Variants in DIO2 observed in about 807,000 individuals in gnomAD.
The protein encoded by DIO2 is type II iodothyronine deiodinase.
DIO2 carries 19 observed loss-of-function variants against 21.4 expected under a neutral mutation model. That is an observed-to-expected ratio of 0.89 (90% CI 0.62 to 1.30). DIO2 has a LOEUF of 1.30. DIO2 is among the 50% of genes most tolerant of loss of function. The pLI is 0.00. For missense variants in DIO2, 302 were observed against 338.1 expected (o/e 0.89, Z 0.84); for synonymous variants, 122 against 132.9 (o/e 0.92, Z 0.57).
chr14:80,207,194 T>C (rs1887986065), intron 1 of DIO2, among the ~76,000 whole-genome samples: 1 of 152,212 alleles, frequency 6.6e-6, no homozygotes, highest in Non-Finnish European at 1.5e-5. Flanking sequence ...GTTCAAATGT[T>C]GGAATGGAAA....
At chr14:80,207,517 G>T (rs930692226) in intron 1 of DIO2, among the ~76,000 whole-genome samples, 2 of 152,190 alleles carry the variant, frequency 1.3e-5, no homozygotes, top group African/African-American at 4.8e-5. Context: ...ATGAAGGGTG[G>T]GTGTGTGGTA....
At chr14:80,224,496 T>TACACACACACACACAC (rs59545805) in intron 2 of DIO2, among the ~76,000 whole-genome samples, 132 of 138,492 alleles carry the variant, frequency 9.5e-4, no homozygotes, top group Admixed American at 2.0e-3. Flanking sequence ...AGAGAGATAC[T>TACACACACACACACAC]ACACACACAC....
chr14:80,228,440 TC>T (rs1416070871), intron 2 of DIO2, among the ~76,000 whole-genome samples: 8 of 152,340 alleles, frequency 5.3e-5, no homozygotes, highest in African/African-American at 1.9e-4. Context: ...TTCTTCAAGA[TC>T]CGTCTGTCTT....
chr14:80,217,480 C>T (rs1888383293), intron 2 of DIO2, among the ~76,000 whole-genome samples: 1 of 151,972 alleles, frequency 6.6e-6, no homozygotes, highest in Non-Finnish European at 1.5e-5. Flanking sequence ...TAAGTGAATC[C>T]TTATGCTTTT....
At chr14:80,230,020 C>A (rs191972790) in intron 2 of DIO2, among the ~76,000 whole-genome samples, 155 of 152,182 alleles carry the variant, frequency 1.0e-3, no homozygotes, top group African/African-American at 3.6e-3. Context: ...GGAGAATCAA[C>A]GTTATTTTTC....
chr14:80,207,809 T>C (rs1389135086), intron 1 of DIO2, among the ~76,000 whole-genome samples: 4 of 152,186 alleles, frequency 2.6e-5, no homozygotes, highest in Non-Finnish European at 4.4e-5. Flanking sequence ...AGCTCTATCA[T>C]TCCCCAATGT....
At chr14:80,222,369 A>G (rs1888482471) in intron 2 of DIO2, among the ~76,000 whole-genome samples, 1 of 152,210 alleles carries the variant, frequency 6.6e-6, no homozygotes. Flanking sequence ...ATTTAAAGAG[A>G]TAAACACTGT....
At position 80,202,349 on chromosome 14, in the gene DIO2, G is replaced by T. The variant is rs1196628958; in HGVS notation, c.*340C>A. ...CTTCCCTAATGTAGTAATTATTCAG[G>T]TAAGTCTTTTCTTCTGGTCTCAAAG... On this transcript the variant is annotated 3_prime_UTR_variant, in exon 2 of 2. Transcript: ENST00000438257. 3.6e-6 allele frequency: 2 copies of T among 557,274 alleles called. No individual in the cohort carries two copies. Among genetic ancestry groups the T allele is most frequent in the Non-Finnish European group, 7.0e-6 (2 of 286,058 alleles). 34.5% of individuals were successfully genotyped at this position (557,274 alleles called of 1,614,324 possible). A position where few individuals can be genotyped will look rare whatever the true frequency, so the allele number is the denominator to read the frequency against.
chr14:80,213,686 T>G (rs965339908), upstream of DIO2, among the ~76,000 whole-genome samples: 1 of 151,978 alleles, frequency 6.6e-6, no homozygotes. Context: ...GAACAGGGCA[T>G]GTAGAGGGCC....
At chr14:80,222,944 C>T (rs541104235) in intron 2 of DIO2, among the ~76,000 whole-genome samples, 31 of 151,300 alleles carry the variant, frequency 2.0e-4, no homozygotes, top group Admixed American at 2.6e-4. Context: ...CTCATTGCAG[C>T]CTCAAACTCC....
chr14:80,221,763 T>C (rs1381907411), intron 2 of DIO2, among the ~76,000 whole-genome samples: 1 of 152,038 alleles, frequency 6.6e-6, no homozygotes, highest in African/African-American at 2.4e-5. Flanking sequence ...AAACAAGCAA[T>C]TTACCATAAA....
At chr14:80,223,640 A>T (rs557041488) in intron 2 of DIO2, among the ~76,000 whole-genome samples, 1 of 152,318 alleles carries the variant, frequency 6.6e-6, no homozygotes, top group Admixed American at 6.5e-5. Flanking sequence ...TTATATTCAT[A>T]AAAAGTTGAA....
intron 2 of DIO2, among the ~76,000 whole-genome samples, chr14:80,222,735 A>G (rs889135686): frequency 1.6e-4 from 25 of 152,280 alleles, no homozygotes; most frequent in African/African-American, 5.5e-4. Flanking sequence ...GCAATTTCAT[A>G]TGGTTTAATT....
chr14:80,229,715 T>C (rs1051038234), intron 2 of DIO2, among the ~76,000 whole-genome samples: 4 of 152,114 alleles, frequency 2.6e-5, no homozygotes, highest in African/African-American at 9.7e-5. Context: ...TATTAGAACA[T>C]TTTTTTAGCT....
chr14:80,222,273 A>T (rs1202263293), intron 2 of DIO2, among the ~76,000 whole-genome samples: 3 of 152,224 alleles, frequency 2.0e-5, no homozygotes, highest in Non-Finnish European at 1.5e-5. Context: ...GCTTTCTATG[A>T]TCAGACACCA....
chr14:80,214,191 G>T (rs1205673428), upstream of DIO2, among the ~76,000 whole-genome samples: 2 of 151,744 alleles, frequency 1.3e-5, no homozygotes, highest in East Asian at 1.9e-4. Flanking sequence ...CCACTCAATT[G>T]CCCAGGCCTT....
At position 80,211,243 on chromosome 14, in the gene DIO2, C is replaced by T. The variant is rs1237165241; in HGVS notation, c.222+8G>A. 6.2e-7 allele frequency: 1 copy of T among 1,606,240 alleles called. No homozygotes were observed. The highest frequency in any genetic ancestry group is 8.5e-7 in the Non-Finnish European group (1 of 1,178,520). Reference sequence around the variant, plus strand: ...ACCTAGGGAGAAGCCCTTCTCAGCTCAGCTCACCTGTTTGTAGGCATCGAG... The same window carrying T: ...ACCTAGGGAGAAGCCCTTCTCAGCTTAGCTCACCTGTTTGTAGGCATCGAG... On this transcript the variant is annotated splice_region_variant and intron_variant, in intron 1 of 1. Coordinates refer to ENST00000438257, the MANE Select transcript of DIO2 (RefSeq NM_013989.5).
intron 2 of DIO2, among the ~76,000 whole-genome samples, chr14:80,230,655 C>T (rs1353408813): frequency 1.3e-5 from 2 of 152,186 alleles, no homozygotes; most frequent in East Asian, 3.9e-4. Context: ...TTTTGCATAA[C>T]TCTCTAAACA....
chr14:80,211,625 C>T (rs1888205527), upstream of DIO2: 2 of 615,992 alleles, frequency 3.2e-6, no homozygotes, highest in Admixed American at 5.9e-5. Context: ...TAAAAGGAAG[C>T]CCAAGTTGTC....
Sources: allele counts gnomAD v4.1 joint callset (sites outside exome capture counted in the v4.1 genomes callset), GRCh38; gene constraint gnomAD v4.1.1; transcripts MANE v1.5; gene names NCBI Gene and HGNC (gene_info 2026-07-23, HGNC 2026-07-21).